The following CLVS1 variants were observed in gnomAD, a reference collection of about 807,000 sequenced individuals.
CLVS1 encodes the protein clavesin 1.
CLVS1 carries 10 observed loss-of-function variants against 33.1 expected under a neutral mutation model. The ratio of observed to expected loss-of-function variants is 0.30; its 90% confidence interval spans 0.19 to 0.51. The LOEUF is 0.51. CLVS1 is among the 20% of genes least tolerant of loss of function. CLVS1 has a pLI of 0.97. For missense variants in CLVS1, 343 were observed against 433.4 expected, an observed-to-expected ratio of 0.79 and a Z score of 1.85; for synonymous variants, 163 against 166.1, an observed-to-expected ratio of 0.98 and a Z score of 0.14.
chr8:61,088,840 C>T (rs932222841), intron 1 of CLVS1, among the ~76,000 whole-genome samples: 15 of 148,192 alleles, frequency 1.0e-4, no homozygotes, highest in East Asian at 5.9e-4. Context: ...CTCGCTCTGT[C>T]GCCCAGGCTG....
chr8:61,163,381 C>T (rs374098594), intron 2 of CLVS1, among the ~76,000 whole-genome samples: 11 of 152,244 alleles, frequency 7.2e-5, no homozygotes, highest in East Asian at 5.8e-4. Flanking sequence ...TATTAGATTA[C>T]GTCAGTACAA....
chr8:61,108,794 A>AAGAGTC (rs1232719087), intron 1 of CLVS1, among the ~76,000 whole-genome samples: 5 of 152,182 alleles, frequency 3.3e-5, no homozygotes, highest in Non-Finnish European at 2.9e-5. Flanking sequence ...AACATTTCAG[A>AAGAGTC]AGGATCTCTT....
chr8:61,059,144 T>C (rs1487168830), intron 1 of CLVS1, among the ~76,000 whole-genome samples: 4 of 152,050 alleles, frequency 2.6e-5, no homozygotes, highest in African/African-American at 9.7e-5. Flanking sequence ...GATTGTGCCA[T>C]TTTTTTATTC....
chr8:61,412,668 G>A (rs1296992092), intron 3 of CLVS1, among the ~76,000 whole-genome samples: 2 of 152,168 alleles, frequency 1.3e-5, no homozygotes, highest in Non-Finnish European at 2.9e-5. Flanking sequence ...CACCTCCACT[G>A]GTAATGTAAC....
intron 2 of CLVS1, among the ~76,000 whole-genome samples, chr8:61,328,780 G>A (rs1417566169): frequency 6.6e-6 from 1 of 152,122 alleles, no homozygotes; most frequent in African/African-American, 2.4e-5. Flanking sequence ...TGGAAGCAAA[G>A]ATTTGTCTTT....
chr8:61,216,610 A>T (rs976556438), intron 2 of CLVS1, among the ~76,000 whole-genome samples: 40 of 152,332 alleles, frequency 2.6e-4, no homozygotes, highest in Non-Finnish European at 1.9e-4. Context: ...GGATTATAAG[A>T]TGACAGTTTA....
intron 3 of CLVS1, among the ~76,000 whole-genome samples, chr8:61,436,636 G>A (rs1301565597): frequency 6.6e-6 from 1 of 152,076 alleles, no homozygotes; most frequent in African/African-American, 2.4e-5. Flanking sequence ...ATCTGTCCTG[G>A]ATTCTTCTCA....
upstream of CLVS1, among the ~76,000 whole-genome samples, chr8:61,054,495 G>C (rs988823996): frequency 9.2e-5 from 14 of 152,162 alleles, no homozygotes; most frequent in African/African-American, 3.4e-4. Context: ...TAGGGGAAGC[G>C]GTTGCTAAAA....
chr8:61,074,280 G>C (rs1453101825), intron 1 of CLVS1, among the ~76,000 whole-genome samples: 2 of 149,878 alleles, frequency 1.3e-5, no homozygotes, highest in Non-Finnish European at 3.0e-5. Flanking sequence ...AGAAGCTGCA[G>C]TGAACCATGA....
At chr8:61,430,237 A>G (rs924084104) in intron 3 of CLVS1, among the ~76,000 whole-genome samples, 2 of 152,230 alleles carry the variant, frequency 1.3e-5, no homozygotes, top group African/African-American at 2.4e-5. Context: ...TTTATGAATC[A>G]TAGATTACAG....
At chr8:61,140,846 G>T (rs1271059728) in intron 2 of CLVS1, among the ~76,000 whole-genome samples, 1 of 152,188 alleles carries the variant, frequency 6.6e-6, no homozygotes, top group Non-Finnish European at 1.5e-5. Context: ...GATTACAGGC[G>T]TGAGCCACCG....
rs188597202 is a variant in CLVS1, at chr8:61,197,681, C to T, written c.-152+65821C>T. 3.4e-3 allele frequency among the ~76,000 whole-genome samples: 516 copies of T among 152,158 alleles called. 5 individuals carry two copies. The highest frequency in any genetic ancestry group is 0.012 in the African/African-American group (496 of 41,526). On this transcript the variant is annotated intron_variant, in intron 2 of 2. Coordinates refer to the CLVS1 transcript ENST00000522621. ...ATTACAAGCGCCTGCCCCCACACCC[C>T]GCTAATTTTTGTATTTTTAGCAGAG...
intron 2 of CLVS1, among the ~76,000 whole-genome samples, chr8:61,222,725 T>A (rs772598627): frequency 1.8e-4 from 27 of 152,194 alleles, no homozygotes; most frequent in Non-Finnish European, 2.5e-4. Context: ...AAGTCCTGAA[T>A]ATCCTTGTTA....
At chr8:61,151,732 G>A (rs1246613414) in intron 2 of CLVS1, among the ~76,000 whole-genome samples, 1 of 152,200 alleles carries the variant, frequency 6.6e-6, no homozygotes, top group African/African-American at 2.4e-5. Context: ...CCAGGGCCTT[G>A]CACAGTGCCT....
rs182270801 is a variant in CLVS1, at chr8:61,337,204, G to A, written c.455+36922G>A. On this transcript the variant is annotated intron_variant, in intron 2 of 5. Coordinates refer to ENST00000325897, the MANE Select transcript of CLVS1 (RefSeq NM_173519.3). ...AGTAAACACTTTTAAGGGCAGGTTC[G>A]GCCCTACCTATGTTTTAGGGCAGTC... 3.2e-4 allele frequency among the ~76,000 whole-genome samples: 49 copies of A among 152,186 alleles called. 1 individual carries two copies. Among genetic ancestry groups the A allele is most frequent in the Admixed American group, 1.8e-3 (28 of 15,300 alleles).
intron 2 of CLVS1, among the ~76,000 whole-genome samples, chr8:61,139,269 C>G (rs967752868): frequency 1.3e-5 from 2 of 152,220 alleles, no homozygotes; most frequent in Non-Finnish European, 2.9e-5. Flanking sequence ...GGCAGCGGAA[C>G]CGCAGGACCC....
At chr8:61,481,683 T>A (rs1232551407) in intron 5 of CLVS1, among the ~76,000 whole-genome samples, 4 of 152,120 alleles carry the variant, frequency 2.6e-5, no homozygotes, top group Non-Finnish European at 4.4e-5. Flanking sequence ...CTTGAGTAGG[T>A]AAACAAAGAG....
chr8:61,279,306 G>A (rs555572251), intron 2 of CLVS1, among the ~76,000 whole-genome samples: 1 of 152,238 alleles, frequency 6.6e-6, no homozygotes, highest in African/African-American at 2.4e-5. Flanking sequence ...AGGTGTCTTA[G>A]TTTTCTCATC....
chr8:61,118,145 C>G (rs1198521984), intron 1 of CLVS1, among the ~76,000 whole-genome samples: 1 of 151,712 alleles, frequency 6.6e-6, no homozygotes, highest in Non-Finnish European at 1.5e-5. Context: ...TCTAGATTTT[C>G]TAGTTTATTT....
Sources: gnomAD v4.1 joint callset for allele counts (sites outside exome capture counted in the v4.1 genomes callset) on GRCh38, gnomAD v4.1.1 for gene constraint, MANE v1.5 for transcripts, NCBI Gene and HGNC (gene_info 2026-07-23, HGNC 2026-07-21) for gene names.